PDZD2: variants seen among roughly 807,000 people sequenced by gnomAD.
PDZD2 encodes PDZ domain-containing protein 2.
In PDZD2, 90 loss-of-function variants were observed where a neutral mutation model predicts 220.7. The observed-to-expected ratio is 0.41, with a 90% CI of 0.34 to 0.49. The LOEUF (loss-of-function observed/expected upper bound fraction) is 0.49, where lower values mean the gene tolerates loss of function less well. Among genes scored for constraint, PDZD2 ranks in the 20% least tolerant of loss-of-function variants. The probability of loss-of-function intolerance (pLI) is 0.28; values close to 1 mark genes in which losing one functional copy is unlikely to be tolerated. For missense variants in PDZD2, 3,174 were observed against 3,608.5 expected (o/e 0.88, Z 3.08); for synonymous variants, 1,375 against 1,450.5 (o/e 0.95, Z 1.18).
At chr5:31,851,472 G>C (rs1561509280) in intron 2 of PDZD2, among the ~76,000 whole-genome samples, 1 of 152,070 alleles carries the variant, frequency 6.6e-6, no homozygotes. Flanking sequence ...CTGTCATTTT[G>C]ATCATCACCC....
chr5:31,741,664 C>T (rs2150166962), intron 1 of PDZD2, among the ~76,000 whole-genome samples: 1 of 152,242 alleles, frequency 6.6e-6, no homozygotes, highest in East Asian at 1.9e-4. Flanking sequence ...GGAATGGACC[C>T]ACCACTGCCA....
At chr5:32,024,036 A>G (rs1021698325) in intron 6 of PDZD2, among the ~76,000 whole-genome samples, 1 of 152,200 alleles carries the variant, frequency 6.6e-6, no homozygotes, top group Non-Finnish European at 1.5e-5. Flanking sequence ...TGATCAGATC[A>G]ACTATTGTGG....
At chr5:31,723,438 G>T (rs1748921928) in intron 1 of PDZD2, among the ~76,000 whole-genome samples, 1 of 151,554 alleles carries the variant, frequency 6.6e-6, no homozygotes, top group Admixed American at 6.6e-5. Flanking sequence ...AATGGTTAAA[G>T]GTATTACTTG....
intron 1 of PDZD2, among the ~76,000 whole-genome samples, chr5:31,696,851 C>G (rs1028115176): frequency 6.6e-6 from 1 of 152,174 alleles, no homozygotes; most frequent in Non-Finnish European, 1.5e-5. Flanking sequence ...GAGCCTCCAT[C>G]CTATGTTGGA....
intron 6 of PDZD2, among the ~76,000 whole-genome samples, chr5:32,036,024 A>T (rs1038663799): frequency 6.6e-6 from 1 of 152,022 alleles, no homozygotes; most frequent in African/African-American, 2.4e-5. Context: ...GCTCACTGCA[A>T]CGTCTGCCTC....
chr5:31,658,727 C>T lies in PDZD2; in HGVS notation c.-361+19290C>T, dbSNP rs543840108. 3.3e-5 allele frequency among the ~76,000 whole-genome samples: 5 copies of T among 152,178 alleles called. No homozygotes were observed. In the South Asian group the frequency reaches 1.0e-3, roughly 32 times the overall value. The stretch of plus-strand genomic sequence containing the variant: ...CTCTGCCTCCTGGGTTCAAGCGATT[C>T]TCCTGTCCCAGCCTCCTGAGTAGCT... On this transcript the variant is annotated intron_variant, in intron 1 of 24. Coordinates refer to ENST00000438447, the MANE Select transcript of PDZD2 (RefSeq NM_178140.4).
intron 6 of PDZD2, among the ~76,000 whole-genome samples, chr5:32,011,415 C>G (rs773035405): frequency 6.6e-6 from 1 of 152,102 alleles, no homozygotes; most frequent in African/African-American, 2.4e-5. Flanking sequence ...AGGAGGATCA[C>G]TTGAGCCTGA....
chr5:31,904,980 C>CT (rs1405245298), intron 2 of PDZD2, among the ~76,000 whole-genome samples: 1 of 150,250 alleles, frequency 6.7e-6, no homozygotes, highest in Non-Finnish European at 1.5e-5. Flanking sequence ...TGTTCTTTTG[C>CT]TTTTTGGAGA....
intron 1 of PDZD2, among the ~76,000 whole-genome samples, chr5:31,779,697 A>G (rs1165591747): frequency 6.6e-6 from 1 of 152,122 alleles, no homozygotes; most frequent in Non-Finnish European, 1.5e-5. Context: ...TCTTGAAGCC[A>G]AAAACAGAAC....
intron 1 of PDZD2, among the ~76,000 whole-genome samples, chr5:31,707,187 A>G (rs1747868584): frequency 6.6e-6 from 1 of 150,918 alleles, no homozygotes; most frequent in African/African-American, 2.4e-5. Flanking sequence ...TAGCATTAGG[A>G]GATATACCTA....
At chr5:31,825,567 C>T (rs1756158072) in intron 2 of PDZD2, among the ~76,000 whole-genome samples, 1 of 152,184 alleles carries the variant, frequency 6.6e-6, no homozygotes, top group South Asian at 2.1e-4. Flanking sequence ...CATCCTGGGA[C>T]ACCGGGCTCT....
intron 2 of PDZD2, among the ~76,000 whole-genome samples, chr5:31,823,410 G>A (rs1243298215): frequency 6.6e-6 from 1 of 152,146 alleles, no homozygotes; most frequent in African/African-American, 2.4e-5. Flanking sequence ...GGAGGTTGCA[G>A]TGAGCCAAGA....
At chr5:31,959,224 C>T (rs1461357820) in intron 2 of PDZD2, among the ~76,000 whole-genome samples, 1 of 150,520 alleles carries the variant, frequency 6.6e-6, no homozygotes, top group Non-Finnish European at 1.5e-5. Flanking sequence ...AGCCACTGCG[C>T]CTGGCAAAGC....
At chr5:31,692,679 G>A (rs1387043424) in intron 1 of PDZD2, among the ~76,000 whole-genome samples, 1 of 152,190 alleles carries the variant, frequency 6.6e-6, no homozygotes, top group Non-Finnish European at 1.5e-5. Flanking sequence ...GCCATTCCTA[G>A]GCCAGCTGAG....
intron 4 of PDZD2, among the ~76,000 whole-genome samples, chr5:31,999,565 C>T (rs557386134): frequency 3.3e-5 from 5 of 152,114 alleles, no homozygotes; most frequent in African/African-American, 9.6e-5. Flanking sequence ...AACAAGGTGC[C>T]GAGAGTGAGA....
In PDZD2 at chr5:32,107,940, TATTA is replaced by T. The variant is rs759533164; in HGVS notation, c.8354-24_8354-21del. ...TTTGAATACTATGAAACTGCCAAGC[TATTA>T]ATTATTCTGTGTTTATTCTCGTAGG... On this transcript the variant is annotated intron_variant, in intron 24 of 24. Coordinates refer to ENST00000438447, the MANE Select transcript of PDZD2 (RefSeq NM_178140.4). 2.6e-6 allele frequency: 4 copies of T among 1,546,234 alleles called. No individual in the cohort carries two copies. In the Admixed American group the frequency reaches 7.3e-5, roughly 28 times the overall value.
intron 2 of PDZD2, among the ~76,000 whole-genome samples, chr5:31,866,298 C>A (rs1738228486): frequency 6.6e-6 from 1 of 152,124 alleles, no homozygotes; most frequent in African/African-American, 2.4e-5. Flanking sequence ...CGCACCCAGC[C>A]TCAGGATGGC....
At chr5:31,987,910 C>T (rs1750839761) in intron 3 of PDZD2, among the ~76,000 whole-genome samples, 1 of 152,208 alleles carries the variant, frequency 6.6e-6, no homozygotes, top group Non-Finnish European at 1.5e-5. Flanking sequence ...TCTGCCATGT[C>T]TGGTCAATCA....
At chr5:31,760,835 T>C (rs546978810) in intron 1 of PDZD2, among the ~76,000 whole-genome samples, 1 of 152,190 alleles carries the variant, frequency 6.6e-6, no homozygotes, top group East Asian at 1.9e-4. Flanking sequence ...GGTGGGAGAA[T>C]TGCTTGAGCC....
Sources: gnomAD v4.1 joint callset for allele counts (sites outside exome capture counted in the v4.1 genomes callset) on GRCh38, gnomAD v4.1.1 for gene constraint, MANE v1.5 for transcripts, NCBI Gene and HGNC (gene_info 2026-07-23, HGNC 2026-07-21) for gene names.